Variants in SMIM8 observed in about 807,000 individuals in gnomAD.
The protein encoded by SMIM8 is UPF0708 protein C6orf162.
SMIM8 carries 8 observed loss-of-function variants against 8.1 expected under a neutral mutation model. The ratio of observed to expected loss-of-function variants is 0.99; its 90% CI spans 0.58 to 1.78. The LOEUF is 1.78. Among genes scored for constraint, SMIM8 ranks in the 40% most tolerant of loss-of-function variants. SMIM8 has a pLI of 0.00. For synonymous variants in SMIM8, 45 were observed against 39.7 expected (o/e 1.13, Z -0.50); for missense variants, 126 against 119.8 (o/e 1.05, Z -0.24).
rs1346892662 is a variant in SMIM8, at chr6:87,340,245, A to AT, written c.266dup (p.Met89IlefsTer42). ...TATTGATAGTGAGGGGCACAGTTAT[A>AT]TGAGGCGGAAAACATCCAAATGGGA... is the stretch of plus-strand genomic sequence containing the variant. On this transcript the variant is annotated frameshift_variant, in exon 4 of 4. Transcript: ENST00000392863. LOFTEE classifies it high-confidence loss of function. 1 of 1,605,848 alleles carries AT rather than the reference A, an allele frequency of 6.2e-7. No homozygotes were observed. The highest frequency in any genetic ancestry group is 2.2e-5 in the East Asian group (1 of 44,656).
rs200572585 is a variant in SMIM8, at chr6:87,339,438, G to T, written c.136-678G>T. Among the ~76,000 whole-genome samples, 102 of 29,652 alleles carry T rather than the reference G, an allele frequency of 3.4e-3. 2 individuals carry two copies. The highest frequency in any genetic ancestry group is 9.3e-3 in the African/African-American group (55 of 5,916). 19.5% of individuals were successfully genotyped at this position (29,652 alleles called of 152,430 possible). A position where few individuals can be genotyped will look rare whatever the true frequency, so the allele number is the denominator to read the frequency against. On this transcript the variant is annotated intron_variant, in intron 3 of 3. Coordinates refer to ENST00000392863, the MANE Select transcript of SMIM8 (RefSeq NM_001042493.3). ...CGTGTGTGTGTGTGTGTGTGTGTTTGTGTGTGTGTGTGTGTGTGTGTGTGT... is the reference window on the plus strand; with the variant it reads ...CGTGTGTGTGTGTGTGTGTGTGTTTTTGTGTGTGTGTGTGTGTGTGTGTGT...
At chr6:87,324,590 C>T (rs571510185) in intron 1 of SMIM8, among the ~76,000 whole-genome samples, 9 of 150,934 alleles carry the variant, frequency 6.0e-5, no homozygotes, top group African/African-American at 1.2e-4. Flanking sequence ...AGATATGTGG[C>T]GTTATTTCTG....
chr6:87,324,196 T>G (rs1582083912), intron 1 of SMIM8, among the ~76,000 whole-genome samples: 1 of 152,328 alleles, frequency 6.6e-6, no homozygotes, highest in East Asian at 1.9e-4. Context: ...ATGAATAGGT[T>G]GTGAAAATTT....
intron 2 of SMIM8, 108 bp from the exon 3 acceptor site, chr6:87,336,901 T>C (rs1777123958): frequency 4.0e-6 from 3 of 755,066 alleles, no homozygotes; most frequent in Non-Finnish European, 5.9e-6. Context: ...TCACATTTGG[T>C]ATGTATCTGG....
At chr6:87,324,684 A>G in intron 1 of SMIM8, among the ~76,000 whole-genome samples, 1 of 151,206 alleles carries the variant, frequency 6.6e-6, no homozygotes, top group Non-Finnish European at 1.5e-5. Flanking sequence ...CTTGTAGTAT[A>G]CTTTGAAGTC....
chr6:87,328,506 C>G (rs1289282055), intron 1 of SMIM8, among the ~76,000 whole-genome samples: 2 of 151,722 alleles, frequency 1.3e-5, no homozygotes. Flanking sequence ...TTGGAGTACC[C>G]GGCCGTGTGA....
intron 1 of SMIM8, among the ~76,000 whole-genome samples, chr6:87,328,576 T>C (rs12197520): frequency 0.4 from 60,123 of 151,546 alleles, 12,891 homozygotes; most frequent in Non-Finnish European, 0.48. Context: ...GGGTCAGGGG[T>C]CAGGGACCCA....
rs554588984 is a variant in SMIM8 at position 87,329,706 on chromosome 6, A to T, written c.-44-986A>T. On this transcript the variant is annotated intron_variant, in intron 1 of 3. Coordinates refer to ENST00000392863, the MANE Select transcript of SMIM8 (RefSeq NM_001042493.3). ...CTTAAATATTGTAATATACATGCAA[A>T]GGCCTTTTATCAATTCAAGAGTAAG... Among the ~76,000 whole-genome samples, 5 of 152,288 alleles carry T rather than the reference A, an allele frequency of 3.3e-5. No individual in the cohort carries two copies. The South Asian group carries it at 8.3e-4, about 25-fold the overall frequency.
intron 1 of SMIM8, among the ~76,000 whole-genome samples, chr6:87,323,546 T>C (rs933926021): frequency 6.6e-6 from 1 of 151,650 alleles, no homozygotes; most frequent in African/African-American, 2.4e-5. Flanking sequence ...GTTCTTGCGA[T>C]AGTTTACTGA....
In SMIM8 at chr6:87,341,075, A is replaced by G. The variant is rs1270175139; in HGVS notation, c.*801A>G. 1 of 388,054 alleles carries G rather than the reference A, an allele frequency of 2.6e-6. No homozygotes were observed. Among genetic ancestry groups the G allele is most frequent in the East Asian group, 3.7e-5 (1 of 27,078 alleles). 24.0% of individuals were successfully genotyped at this position (388,054 alleles called of 1,614,324 possible). On this transcript the variant is annotated 3_prime_UTR_variant, in exon 4 of 4. Transcript: ENST00000392863. ...AATTTGTGTTAATTAATGTTACTGTAATGTTATAAACATAAGACCAAGTGT... is the reference window on the plus strand; with the variant it reads ...AATTTGTGTTAATTAATGTTACTGTGATGTTATAAACATAAGACCAAGTGT...
chr6:87,325,090 T>C (rs958519290), intron 1 of SMIM8, among the ~76,000 whole-genome samples: 3 of 152,154 alleles, frequency 2.0e-5, no homozygotes, highest in African/African-American at 7.2e-5. Flanking sequence ...TGTATAAGAA[T>C]GCTTGTGATT....
intron 2 of SMIM8, among the ~76,000 whole-genome samples, chr6:87,332,433 G>T (rs892697508): frequency 3.3e-4 from 49 of 148,136 alleles, no homozygotes; most frequent in Non-Finnish European, 5.8e-4. Context: ...ATTATATACA[G>T]TATATAATTT....
At chr6:87,328,507 G>A (rs538600634) in intron 1 of SMIM8, among the ~76,000 whole-genome samples, 1 of 150,440 alleles carries the variant, frequency 6.6e-6, no homozygotes, top group Non-Finnish European at 1.5e-5. Context: ...TGGAGTACCC[G>A]GCCGTGTGAG....
chr6:87,327,898 G>A (rs1195187717), intron 1 of SMIM8, among the ~76,000 whole-genome samples: 19 of 149,266 alleles, frequency 1.3e-4, no homozygotes, highest in African/African-American at 4.5e-4. Flanking sequence ...ACACCAATCA[G>A]ACGTAGATTT....
In SMIM8 at chr6:87,327,963, C is replaced by G. The variant is rs895722738; in HGVS notation, c.-44-2729C>G. On this transcript the variant is annotated intron_variant, in intron 1 of 3. Transcript: ENST00000392863. ...GAGGCTTTGCTTGTTTCTTTTTATT[C>G]TTTTTTCTCTAAACTTCCCTTCTCG... Among the ~76,000 whole-genome samples, 1,024 of 151,062 alleles carry G rather than the reference C, an allele frequency of 6.8e-3. 5 individuals carry two copies. Among genetic ancestry groups the G allele is most frequent in the Non-Finnish European group, 9.9e-3 (670 of 67,814 alleles).
Position 87,340,787 on chromosome 6 carries a change from A to C in SMIM8, c.*513A>C, listed in dbSNP as rs1777215399. ...TATGAGAAACTGAGTTGGCTCTGAC[A>C]AGTAGTTTTTATAGTGTCACAAATG... is the stretch of plus-strand genomic sequence containing the variant. On this transcript the variant is annotated 3_prime_UTR_variant, in exon 4 of 4. Transcript: ENST00000392863. 6.5e-6 allele frequency: 1 copy of C among 152,714 alleles called. No homozygotes were observed. Among genetic ancestry groups the C allele is most frequent in the Non-Finnish European group, 1.5e-5 (1 of 68,428 alleles). 9.5% of individuals were successfully genotyped at this position (152,714 alleles called of 1,614,324 possible).
At chr6:87,323,528 G>C (rs972458218) in intron 1 of SMIM8, among the ~76,000 whole-genome samples, 1 of 149,636 alleles carries the variant, frequency 6.7e-6, no homozygotes, top group Non-Finnish European at 1.5e-5. Flanking sequence ...TGTGATGTTT[G>C]CTTTTTTGTT....
At chr6:87,324,993 G>A (rs1317632788) in intron 1 of SMIM8, among the ~76,000 whole-genome samples, 3 of 151,932 alleles carry the variant, frequency 2.0e-5, no homozygotes, top group African/African-American at 7.3e-5. Context: ...CACATCCCTT[G>A]TAAGTTGGAT....
At chr6:87,335,231 G>A (rs1283078224) in intron 2 of SMIM8, among the ~76,000 whole-genome samples, 2 of 152,162 alleles carry the variant, frequency 1.3e-5, no homozygotes, top group African/African-American at 4.8e-5. Flanking sequence ...ACTAAATGTG[G>A]TATTTGAACC....
Sources: allele counts gnomAD v4.1 joint callset (sites outside exome capture counted in the v4.1 genomes callset), GRCh38; gene constraint gnomAD v4.1.1; transcripts MANE v1.5; gene names NCBI Gene and HGNC (gene_info 2026-07-23, HGNC 2026-07-21).